AKAP12: variants seen among roughly 807,000 people sequenced by gnomAD.
The protein encoded by AKAP12 is A-kinase anchor protein 12.
In AKAP12, 32 loss-of-function variants were observed where a neutral mutation model predicts 79.9. The observed-to-expected ratio is 0.40, with a 90% CI of 0.30 to 0.54. The LOEUF is 0.54. AKAP12 is among the 20% of genes least tolerant of loss of function. The pLI is 0.48. For synonymous variants in AKAP12, 808 were observed against 857.0 expected, an observed-to-expected ratio of 0.94 and a Z score of 1.00; for missense variants, 2,074 against 2,177.0, an observed-to-expected ratio of 0.95 and a Z score of 0.94.
chr6:151,294,066 C>T (rs1402846330), intron 2 of AKAP12, among the ~76,000 whole-genome samples: 1 of 152,148 alleles, frequency 6.6e-6, no homozygotes, highest in East Asian at 1.9e-4. Flanking sequence ...CTCCTCCTCC[C>T]AGGTTCAAGC....
At position 151,248,297 on chromosome 6, in the gene AKAP12, C is replaced by T. The variant is rs201854920; in HGVS notation, c.162+7573C>T. The stretch of plus-strand genomic sequence containing the variant: ...TTTTTTTTTTTTTGAGAGACAGGGT[C>T]TCACTGTGTTTCCCAGGCTAGTCTT... On this transcript the variant is annotated intron_variant, in intron 2 of 4. Coordinates refer to ENST00000402676, the MANE Select transcript of AKAP12 (RefSeq NM_005100.4). Among the ~76,000 whole-genome samples the T allele has an allele frequency of 2.8e-5, 4 of 142,654 alleles. No individual in the cohort carries two copies. In the East Asian group the frequency reaches 8.2e-4, roughly 29 times the overall value. 93.6% of individuals were successfully genotyped at this position (142,654 alleles called of 152,430 possible). A position where few individuals can be genotyped will look rare whatever the true frequency, so the allele number is the denominator to read the frequency against.
intron 2 of AKAP12, among the ~76,000 whole-genome samples, chr6:151,294,094 C>G (rs907320355): frequency 2.0e-4 from 31 of 152,040 alleles, no homozygotes; most frequent in African/African-American, 6.3e-4. Context: ...CTGCCTCAGC[C>G]TCCCGAGTAG....
intron 2 of AKAP12, among the ~76,000 whole-genome samples, chr6:151,259,608 T>C (rs1797379981): frequency 7.2e-6 from 1 of 139,056 alleles, no homozygotes. Flanking sequence ...GATTGGAGTC[T>C]CACTCTGTTG....
rs754707791 is a variant in AKAP12 at position 151,349,340 on chromosome 6, A to G, written c.949A>G (p.Lys317Glu). 5 of 1,613,936 alleles carry G rather than the reference A, an allele frequency of 3.1e-6. No individual in the cohort carries two copies. The highest frequency in any genetic ancestry group is 1.7e-5 in the Admixed American group (1 of 59,974). ...CAAAAAGACCAGTTTCAGGAAGCCG[A>G]AGGAGGATGAAGTGGAAGCTTCAGA... Reference protein sequence around the residue: ...WRKKTSFRKPKEDEVEASEKK... With the variant: ...WRKKTSFRKPEEDEVEASEKK... The change falls in exon 4 of 5, where the codon AAG (lysine) becomes GAG (glutamate). Residue 317 changes from lysine to glutamate, a missense_variant. Physicochemically the swap from Lys to Glu is moderately conservative, Grantham distance 56 (BLOSUM62 1). Around this residue, in one of 3 missense-constraint regions of AKAP12, gnomAD observed 1,428 missense variants for 1,451.0 expected, o/e 0.98. Coordinates refer to ENST00000402676, the MANE Select transcript of AKAP12 (RefSeq NM_005100.4).
intron 2 of AKAP12, among the ~76,000 whole-genome samples, chr6:151,251,130 TAAG>T (rs1244991656): frequency 1.3e-5 from 2 of 152,174 alleles, no homozygotes; most frequent in African/African-American, 2.4e-5. Flanking sequence ...TCTAGGCAGA[TAAG>T]AGGCCATTAG....
At chr6:151,338,541 C>T (rs1582891889) in intron 3 of AKAP12, among the ~76,000 whole-genome samples, 2 of 151,738 alleles carry the variant, frequency 1.3e-5, no homozygotes, top group Non-Finnish European at 2.9e-5. Context: ...CTGCAACCTC[C>T]GCCTCCCGGG....
At chr6:151,273,756 G>A (rs960499773) in intron 2 of AKAP12, among the ~76,000 whole-genome samples, 1 of 152,104 alleles carries the variant, frequency 6.6e-6, no homozygotes, top group Non-Finnish European at 1.5e-5. Flanking sequence ...CCAGTTGGGC[G>A]CAGTGGCTCA....
rs1340458401 is a variant in AKAP12, at chr6:151,357,802, A to G, written c.*2088A>G. The G allele has an allele frequency of 1.3e-5, 2 of 150,980 alleles. No individual in the cohort carries two copies. The highest frequency in any genetic ancestry group is 4.9e-5 in the African/African-American group (2 of 41,056). The allele number at this position is 150,980 out of a possible 1,614,324, so 9.4% of individuals were successfully genotyped here. On this transcript the variant is annotated 3_prime_UTR_variant, in exon 5 of 5. Transcript: ENST00000402676. The stretch of plus-strand genomic sequence containing the variant: ...TCAACTAAAGAGTTTTGGAAATGAC[A>G]GCAATTTATAACAAGTTCATATTGA...
intron 2 of AKAP12, among the ~76,000 whole-genome samples, chr6:151,253,478 T>G (rs1008286791): frequency 1.3e-5 from 2 of 152,146 alleles, no homozygotes; most frequent in Admixed American, 6.6e-5. Flanking sequence ...TAGTCCCACC[T>G]GGGCCTCCTG....
At chr6:151,310,726 T>C (rs1299092184) in intron 3 of AKAP12, among the ~76,000 whole-genome samples, 2 of 152,216 alleles carry the variant, frequency 1.3e-5, no homozygotes, top group Non-Finnish European at 2.9e-5. Flanking sequence ...CATATTTGAT[T>C]TTGAAATAAA....
At chr6:151,297,564 G>C (rs1474717) in intron 2 of AKAP12, among the ~76,000 whole-genome samples, 132,816 of 145,810 alleles carry the variant, frequency 0.91, 60,802 homozygotes, top group East Asian at 1. Context: ...CAGAGCATGA[G>C]TTCGTCTCAA....
chr6:151,251,023 A>T (rs539671253), intron 2 of AKAP12, among the ~76,000 whole-genome samples: 7 of 152,206 alleles, frequency 4.6e-5, no homozygotes, highest in Admixed American at 4.6e-4. Context: ...GCCTTTCTAG[A>T]TGAAATATTC....
chr6:151,297,019 GTTTT>G (rs36046672), intron 2 of AKAP12, among the ~76,000 whole-genome samples: 1 of 127,654 alleles, frequency 7.8e-6, no homozygotes. Context: ...AAATAAAAGG[GTTTT>G]TTTTTTTTTT....
intron 3 of AKAP12, chr6:151,324,626 TTTTG>T: frequency 2.0e-6 from 2 of 985,414 alleles, no homozygotes; most frequent in Non-Finnish European, 2.4e-6. Context: ...AAACTTTCCT[TTTTG>T]TTTGTGTAGG....
Position 151,352,071 on chromosome 6 carries a change from T to C in AKAP12, c.3680T>C (p.Phe1227Ser). ...QKERPPAPSS[F>S]VFQEETKEQS... Reference sequence around the variant, plus strand: ...GAGAGGCCTCCAGCACCTTCCAGTTTTGTGTTCCAGGAAGAAACTAAAGAA... The same window carrying C: ...GAGAGGCCTCCAGCACCTTCCAGTTCTGTGTTCCAGGAAGAAACTAAAGAA... The change falls in exon 4 of 5, where the codon TTT becomes TCT. Residue 1227 changes from phenylalanine (F) to serine (S), a missense_variant. By Grantham distance (155) the Phe-to-Ser change is radical. This residue lies in a region of AKAP12 where 614 missense variants were observed against 665.6 expected (regional missense o/e 0.92). Transcript: ENST00000402676. 6.2e-7 allele frequency: 1 copy of C among 1,614,078 alleles called. No homozygotes were observed. Among genetic ancestry groups the C allele is most frequent in the Non-Finnish European group, 8.5e-7 (1 of 1,180,020 alleles).
chr6:151,325,150 T>C (rs2485543), intron 3 of AKAP12: 369,000 of 985,098 alleles, frequency 0.37, 75,631 homozygotes, highest in African/African-American at 0.79. Flanking sequence ...GTTGCCAGTC[T>C]TCAGAGCAGT....
intron 2 of AKAP12, among the ~76,000 whole-genome samples, chr6:151,286,170 A>AT (rs761716247): frequency 3.9e-4 from 60 of 152,192 alleles, no homozygotes; most frequent in Non-Finnish European, 7.1e-4. Context: ...GGAGGTGATA[A>AT]TTTTTTTAAA....
intron 2 of AKAP12, among the ~76,000 whole-genome samples, chr6:151,272,159 A>G (rs973422172): frequency 6.6e-6 from 1 of 151,972 alleles, no homozygotes; most frequent in Admixed American, 6.6e-5. Flanking sequence ...GGGCAACGTA[A>G]TGAGACTTCA....
At position 151,350,047 on chromosome 6, in the gene AKAP12, C is replaced by A. The variant is rs41289369; in HGVS notation, c.1656C>A (p.Ala552=). ...CAGGGGAGCACACTCAGGTTCCAGCCGATTCTCCGGACAGCCAGGAGGAGC... is the reference window on the plus strand; with the variant it reads ...CAGGGGAGCACACTCAGGTTCCAGCAGATTCTCCGGACAGCCAGGAGGAGC... The part of the protein sequence containing the change: ...EESGEHTQVP[A]DSPDSQEEQK... Residue 552 remains alanine, a synonymous_variant, in exon 4 of 5, where the codon GCC becomes GCA. Coordinates refer to ENST00000402676, the MANE Select transcript of AKAP12 (RefSeq NM_005100.4). This position sits in a 1 kb window ranked among gnomAD's most constrained non-coding sequence, Gnocchi z 4.8. 3 of 1,613,876 alleles carry A rather than the reference C, an allele frequency of 1.9e-6. No homozygotes were observed. The highest frequency in any genetic ancestry group is 2.7e-5 in the African/African-American group (2 of 74,860).
Sources: gnomAD v4.1 joint callset for allele counts (sites outside exome capture counted in the v4.1 genomes callset) on GRCh38, gnomAD v4.1.1 for gene constraint, gnomAD v4.1.1 regional missense constraint, Gnocchi (gnomAD v3.1) non-coding constraint, MANE v1.5 for transcripts, NCBI Gene and HGNC (gene_info 2026-07-23, HGNC 2026-07-21) for gene names.